Variants in UNC5D observed in about 807,000 individuals in gnomAD.
The protein encoded by UNC5D is unc-5 netrin receptor D.
UNC5D carries 39 observed loss-of-function variants against 105.4 expected under a neutral mutation model. The ratio of observed to expected loss-of-function variants is 0.37; its 90% CI spans 0.29 to 0.48. The LOEUF (loss-of-function observed/expected upper bound fraction) is 0.48. Among genes scored for constraint, UNC5D ranks in the 20% least tolerant of loss-of-function variants. UNC5D has a pLI of 0.98. For synonymous variants in UNC5D, 452 were observed against 450.4 expected, an observed-to-expected ratio of 1.00 and a Z score of -0.04; for missense variants, 991 against 1,202.4, an observed-to-expected ratio of 0.82 and a Z score of 2.60.
chr8:35,631,979 C>T (rs1241994114), intron 4 of UNC5D, among the ~76,000 whole-genome samples: 3 of 152,218 alleles, frequency 2.0e-5, no homozygotes, highest in Admixed American at 2.0e-4. Flanking sequence ...AGGTTTCTCA[C>T]TGGGGCACAT....
chr8:35,434,386 G>T (rs1806864629), intron 1 of UNC5D, among the ~76,000 whole-genome samples: 1 of 151,856 alleles, frequency 6.6e-6, no homozygotes. Flanking sequence ...TTGGGTGGGG[G>T]TATTGGAAAT....
At chr8:35,607,973 T>C (rs1820422125) in intron 4 of UNC5D, among the ~76,000 whole-genome samples, 1 of 152,148 alleles carries the variant, frequency 6.6e-6, no homozygotes, top group Admixed American at 6.5e-5. Context: ...TGTCTTTGAA[T>C]TTCTTCTTAT....
At chr8:35,492,735 A>G (rs1351804075) in intron 1 of UNC5D, among the ~76,000 whole-genome samples, 1 of 152,040 alleles carries the variant, frequency 6.6e-6, no homozygotes, top group African/African-American at 2.4e-5. Context: ...AGGGGTAGTA[A>G]ATGATTTTCG....
chr8:35,244,794 T>C (rs560553372), intron 1 of UNC5D, among the ~76,000 whole-genome samples: 3 of 152,216 alleles, frequency 2.0e-5, no homozygotes, highest in Non-Finnish European at 4.4e-5. Flanking sequence ...GAGGATGGCT[T>C]GAGGCCTGGA....
At chr8:35,282,747 C>A (rs1806285718) in intron 1 of UNC5D, among the ~76,000 whole-genome samples, 1 of 148,088 alleles carries the variant, frequency 6.8e-6, no homozygotes, top group African/African-American at 2.5e-5. Flanking sequence ...GCATATCCTT[C>A]TTTCCTTTCC....
chr8:35,753,787 A>T (rs551459511), intron 13 of UNC5D, among the ~76,000 whole-genome samples: 62 of 152,298 alleles, frequency 4.1e-4, no homozygotes, highest in African/African-American at 1.4e-3. Context: ...AAAGATCATC[A>T]ACCTTGCTTG....
intron 1 of UNC5D, among the ~76,000 whole-genome samples, chr8:35,413,292 T>TGTGTGTGTGTGTGTTGTGTGTG (rs56157732): frequency 7.8e-6 from 1 of 127,978 alleles, no homozygotes; most frequent in African/African-American, 3.1e-5. Flanking sequence ...TGTGTGTGTG[T>TGTGTGTGTGTGTGTTGTGTGTG]TGTGTGTGTG....
intron 4 of UNC5D, among the ~76,000 whole-genome samples, chr8:35,602,689 T>G (rs2130934148): frequency 6.6e-6 from 1 of 152,312 alleles, no homozygotes; most frequent in South Asian, 2.1e-4. Context: ...TTCTTCTCTT[T>G]TTTCTTCTTT....
At chr8:35,789,375 A>C (rs1380073181) in intron 16 of UNC5D, among the ~76,000 whole-genome samples, 1 of 151,378 alleles carries the variant, frequency 6.6e-6, no homozygotes, top group African/African-American at 2.4e-5. Flanking sequence ...ATAAAGTGAC[A>C]GAGTATAAAT....
chr8:35,241,118 T>C (rs1026800977), intron 1 of UNC5D, among the ~76,000 whole-genome samples: 3 of 152,216 alleles, frequency 2.0e-5, no homozygotes, highest in Non-Finnish European at 2.9e-5. Flanking sequence ...GGCTGCTGTT[T>C]CTGCTGTTTT....
At chr8:35,552,718 C>T (rs540108285) in intron 2 of UNC5D, among the ~76,000 whole-genome samples, 9 of 152,138 alleles carry the variant, frequency 5.9e-5, no homozygotes, top group African/African-American at 1.2e-4. Context: ...GTTTCAGGAA[C>T]GTCTCTGATC....
intron 1 of UNC5D, among the ~76,000 whole-genome samples, chr8:35,264,117 A>G (rs1321283307): frequency 6.6e-6 from 1 of 152,252 alleles, no homozygotes; most frequent in Non-Finnish European, 1.5e-5. Flanking sequence ...AAGATAAAGT[A>G]GCATTTTGGA....
intron 2 of UNC5D, among the ~76,000 whole-genome samples, chr8:35,560,200 T>G (rs1274806768): frequency 6.6e-6 from 1 of 152,220 alleles, no homozygotes; most frequent in Non-Finnish European, 1.5e-5. Context: ...AATTCTACTC[T>G]TATTTATGAT....
Position 35,469,281 on chromosome 8 carries a change from T to G in UNC5D, c.104-80011T>G, listed in dbSNP as rs867265437. ...TTTATGTTCTATGAGTCTCATTTCC[T>G]TCATTTTAAAGTGGGGGTAATAATT... On this transcript the variant is annotated intron_variant, in intron 1 of 16. Coordinates refer to ENST00000404895, the MANE Select transcript of UNC5D (RefSeq NM_080872.4). Among the ~76,000 whole-genome samples the G allele has an allele frequency of 8.5e-5, 13 of 152,204 alleles. 1 individual carries two copies. Among genetic ancestry groups the G allele is most frequent in the African/African-American group, 3.1e-4 (13 of 41,454 alleles).
chr8:35,533,887 G>A (rs1044418987), intron 1 of UNC5D, among the ~76,000 whole-genome samples: 2 of 152,180 alleles, frequency 1.3e-5, no homozygotes, highest in East Asian at 1.9e-4. Flanking sequence ...GTGAGGCAAT[G>A]CCTCGCCATG....
At chr8:35,611,447 T>A (rs1409458307) in intron 4 of UNC5D, among the ~76,000 whole-genome samples, 1 of 152,198 alleles carries the variant, frequency 6.6e-6, no homozygotes, top group East Asian at 1.9e-4. Flanking sequence ...AAGTATCTTA[T>A]GAGTAATATT....
intron 1 of UNC5D, among the ~76,000 whole-genome samples, chr8:35,254,166 A>C (rs1803912633): frequency 6.6e-6 from 1 of 152,174 alleles, no homozygotes; most frequent in Non-Finnish European, 1.5e-5. Flanking sequence ...AGCAGGAAGG[A>C]TATATTGTTC....
intron 1 of UNC5D, among the ~76,000 whole-genome samples, chr8:35,346,130 G>T (rs1811791957): frequency 6.6e-6 from 1 of 151,980 alleles, no homozygotes; most frequent in South Asian, 2.1e-4. Context: ...ATGAACTCTA[G>T]CTTTTGGGAC....
intron 1 of UNC5D, among the ~76,000 whole-genome samples, chr8:35,440,769 A>G (rs1452932187): frequency 1.3e-5 from 2 of 152,026 alleles, no homozygotes; most frequent in African/African-American, 4.8e-5. Flanking sequence ...ACTCTGCCAC[A>G]TAAAACATTT....
Sources: allele counts gnomAD v4.1 joint callset (sites outside exome capture counted in the v4.1 genomes callset), GRCh38; gene constraint gnomAD v4.1.1; transcripts MANE v1.5; gene names NCBI Gene and HGNC (gene_info 2026-07-23, HGNC 2026-07-21).